Variants in RPL5 observed in about 807,000 individuals in gnomAD.
RPL5 encodes the protein large ribosomal subunit protein uL18.
Under a neutral mutation model 38.4 loss-of-function variants are expected in RPL5, and 1 was observed. The observed-to-expected ratio is 0.03, with a 90% CI of 0.01 to 0.12. The LOEUF (loss-of-function observed/expected upper bound fraction) is 0.12. Among genes scored for constraint, RPL5 ranks in the 10% least tolerant of loss-of-function variants. RPL5 has a pLI of 1.00. For synonymous variants in RPL5, 109 were observed against 121.2 expected (o/e 0.90, Z 0.66); for missense variants, 243 against 374.1 (o/e 0.65, Z 2.89).
chr1:92,840,394 G>C, intron 6 of RPL5, 157 bp from the exon 7 acceptor site: 1 of 643,834 alleles, frequency 1.6e-6, no homozygotes, highest in African/African-American at 1.8e-5. Flanking sequence ...GTTAGGAAAA[G>C]GTGAGTTACA....
upstream of RPL5, chr1:92,832,025 C>T (rs1359008067): frequency 3.4e-5 from 54 of 1,585,414 alleles, no homozygotes; most frequent in Non-Finnish European, 4.5e-5. Context: ...ACTGCGCCTG[C>T]GCAAGGGCTG....
chr1:92,840,373 A>G, intron 6 of RPL5, 178 bp from the exon 7 acceptor site: 1 of 590,106 alleles, frequency 1.7e-6, no homozygotes, highest in South Asian at 1.9e-5. Context: ...TAAGGTGAAA[A>G]TTGGGAATTT....
intron 6 of RPL5, among the ~76,000 whole-genome samples, chr1:92,840,025 T>G (rs2100695239): frequency 6.6e-6 from 1 of 151,456 alleles, no homozygotes; most frequent in South Asian, 2.1e-4. Flanking sequence ...TTTTTTTTTT[T>G]TAATTTTTGG....
chr1:92,837,716 TTA>T (rs1687183905), intron 6 of RPL5, 83 bp downstream of exon 6: 3 of 1,106,198 alleles, frequency 2.7e-6, no homozygotes, highest in Admixed American at 1.9e-5. Flanking sequence ...GGTAACATTC[TTA>T]TATAGGTGTG....
Position 92,836,265 on chromosome 1 carries a change from A to C in RPL5, c.400A>C (p.Ser134Arg), listed in dbSNP as rs1687120549. The change falls in exon 5 of 8, where the codon AGC (serine) becomes CGC (arginine). Residue 134 changes from serine to arginine, a missense_variant. Coordinates refer to ENST00000370321, the MANE Select transcript of RPL5 (RefSeq NM_000969.5). Reference protein sequence around the residue: ...EVTGDEYNVESIDGQPGAFTC... With the variant: ...EVTGDEYNVERIDGQPGAFTC... ...GACTGGTGATGAATACAATGTGGAA[A>C]GCATTGATGGTCAGCCAGGTGCCTT... The C allele has an allele frequency of 1.9e-6, 3 of 1,614,036 alleles. No homozygotes were observed. Among genetic ancestry groups the C allele is most frequent in the Non-Finnish European group, 2.5e-6 (3 of 1,179,998 alleles).
intron 4 of RPL5, chr1:92,835,124 GGTTTT>G: frequency 1.5e-6 from 1 of 660,298 alleles, no homozygotes; most frequent in Non-Finnish European, 2.6e-6. Flanking sequence ...GCTGTCCAGT[GGTTTT>G]GCCACTAGCG....
chr1:92,841,244 T>C (rs1249068562), intron 7 of RPL5, among the ~76,000 whole-genome samples: 1 of 152,196 alleles, frequency 6.6e-6, no homozygotes, highest in Admixed American at 6.5e-5. Flanking sequence ...GTGAGTTCCA[T>C]TGTTTTAGAT....
intron 1 of RPL5, chr1:92,833,010 T>C (rs1686969868): frequency 1.3e-6 from 1 of 740,744 alleles, no homozygotes; most frequent in Non-Finnish European, 2.5e-6. Context: ...TTCGCAAAAG[T>C]TTGGCACAAT....
At chr1:92,837,345 A>G (rs1687170535) in intron 5 of RPL5, 111 bp from the exon 6 acceptor site, 1 of 919,844 alleles carries the variant, frequency 1.1e-6, no homozygotes. Context: ...TTGGTTGCAT[A>G]TGATGCGATA....
chr1:92,836,237 G>A lies in RPL5; in HGVS notation c.372G>A (p.Glu124=). Residue 124 remains glutamate, a synonymous_variant, in exon 5 of 8, where the codon GAG becomes GAA. Coordinates refer to ENST00000370321, the MANE Select transcript of RPL5 (RefSeq NM_000969.5). The part of the protein sequence containing the change: ...GMDKIYEGQV[E]VTGDEYNVES... ...ACAAGATCTATGAAGGCCAAGTGGAGGTGACTGGTGATGAATACAATGTGG... is the reference window on the plus strand; with the variant it reads ...ACAAGATCTATGAAGGCCAAGTGGAAGTGACTGGTGATGAATACAATGTGG... The A allele has an allele frequency of 6.2e-7, 1 of 1,613,382 alleles. No individual in the cohort carries two copies. The highest frequency in any genetic ancestry group is 8.5e-7 in the Non-Finnish European group (1 of 1,179,936).
At chr1:92,835,679 AT>A (rs1474225410) in intron 4 of RPL5, among the ~76,000 whole-genome samples, 6 of 150,976 alleles carry the variant, frequency 4.0e-5, no homozygotes, top group Non-Finnish European at 8.9e-5. Context: ...AAAAAAAAAA[AT>A]GAGAATCTTA....
chr1:92,840,684 A>T (rs1233189815), intron 7 of RPL5, 45 bp downstream of exon 7: 1 of 1,426,392 alleles, frequency 7.0e-7, no homozygotes, highest in Non-Finnish European at 9.8e-7. Context: ...CAGGTTGGGA[A>T]TGGTTCCCAC....
intron 5 of RPL5, chr1:92,836,849 G>A (rs541292889): frequency 4.4e-5 from 9 of 204,374 alleles, no homozygotes; most frequent in African/African-American, 1.9e-4. Flanking sequence ...AGGCCATTTT[G>A]GGAAGTTAAG....
intron 3 of RPL5, among the ~76,000 whole-genome samples, chr1:92,834,124 T>G (rs753645553): frequency 6.6e-6 from 1 of 152,134 alleles, no homozygotes; most frequent in Admixed American, 6.5e-5. Flanking sequence ...GTGGGGAGAT[T>G]AGAAGTAAGT....
Position 92,834,792 on chromosome 1 carries a change from G to A in RPL5, c.203G>A (p.Arg68His), listed in dbSNP as rs755960588. The change falls in exon 4 of 8, where the codon CGT becomes CAT. Residue 68 changes from arginine to histidine, a missense_variant. Physicochemically the swap from Arg to His is conservative, Grantham distance 29. Coordinates refer to ENST00000370321, the MANE Select transcript of RPL5 (RefSeq NM_000969.5). The part of the protein sequence containing the change: ...RDIICQIAYA[R>H]IEGDMIVCAA... ...CTCTTACTATAGATTGCTTATGCCC[G>A]TATAGAGGGGGATATGATAGTCTGC... 1 of 1,613,176 alleles carries A rather than the reference G, an allele frequency of 6.2e-7. No homozygotes were observed. The highest frequency in any genetic ancestry group is 8.5e-7 in the Non-Finnish European group (1 of 1,179,868).
intron 3 of RPL5, 62 bp downstream of exon 3, chr1:92,833,722 A>G (rs565570301): frequency 1.5e-6 from 2 of 1,328,070 alleles, no homozygotes; most frequent in East Asian, 2.3e-5. Flanking sequence ...TTGGGAAGCA[A>G]AGCACATGGT....
In RPL5 at chr1:92,837,338, G is replaced by T. The variant is rs777180796; in HGVS notation, c.528-118G>T. On this transcript the variant is annotated intron_variant, in intron 5 of 7. Transcript: ENST00000370321. ...TGAGCAGTCAGTAGTTGGTCCTTTG[G>T]TTGCATATGATGCGATAATTGTTTC... 10 of 880,544 alleles carry T rather than the reference G, an allele frequency of 1.1e-5. No individual in the cohort carries two copies. The East Asian group carries it at 2.4e-4, about 21-fold the overall frequency. 54.5% of individuals were successfully genotyped at this position (880,544 alleles called of 1,614,324 possible).
At chr1:92,833,049 T>C (rs1372491839) in intron 1 of RPL5, 7 of 734,792 alleles carry the variant, frequency 9.5e-6, no homozygotes, top group Non-Finnish European at 1.5e-5. Flanking sequence ...AAGAAACAAA[T>C]ATGGAAATTG....
At chr1:92,833,210 A>C in intron 1 of RPL5, 179 bp from the exon 2 acceptor site, 1 of 653,580 alleles carries the variant, frequency 1.5e-6, no homozygotes, top group Non-Finnish European at 2.8e-6. Flanking sequence ...AGTCTGTGAC[A>C]TGGAAGGTAG....
Sources: allele counts gnomAD v4.1 joint callset (sites outside exome capture counted in the v4.1 genomes callset), GRCh38; gene constraint gnomAD v4.1.1; transcripts MANE v1.5; gene names NCBI Gene and HGNC (gene_info 2026-07-23, HGNC 2026-07-21).